The following CHM variants were observed in gnomAD, a reference collection of about 807,000 sequenced individuals.
CHM encodes CHM Rab escort protein.
A neutral mutation model predicts 49.0 loss-of-function variants in CHM; 10 were observed. The ratio of observed to expected loss-of-function variants is 0.20; its 90% CI spans 0.13 to 0.35. The LOEUF is 0.35. Ranked by LOEUF, CHM falls within the 10% of genes least tolerant of loss-of-function variation. CHM has a pLI of 1.00. For synonymous variants in CHM, 184 were observed against 167.5 expected (o/e 1.10, Z -0.76); for missense variants, 455 against 478.4 (o/e 0.95, Z 0.46).
At chrX:85,921,180 CT>C in intron 8 of CHM, among the ~76,000 whole-genome samples, 1 of 112,036 alleles carries the variant, frequency 8.9e-6, no homozygotes, top group Non-Finnish European at 1.9e-5. Flanking sequence ...AAGGTAAATA[CT>C]TTACCATGAT....
intron 1 of CHM, among the ~76,000 whole-genome samples, chrX:86,033,467 A>G (rs1934118249): frequency 8.9e-6 from 1 of 112,568 alleles, no homozygotes; most frequent in South Asian, 3.6e-4. Context: ...TAGAACTAGA[A>G]AATTTACTGT....
At chrX:86,041,753 T>C (rs868675326) in intron 1 of CHM, among the ~76,000 whole-genome samples, 4 of 91,534 alleles carry the variant, frequency 4.4e-5, no homozygotes, top group African/African-American at 4.3e-5. Context: ...TATATATATA[T>C]ATATACATAT....
intron 4 of CHM, among the ~76,000 whole-genome samples, chrX:85,978,293 C>T (rs933145688): frequency 9.0e-6 from 1 of 111,667 alleles, no homozygotes; most frequent in Non-Finnish European, 1.9e-5. Context: ...CATTTTGCTA[C>T]ACTGAGTATT....
intron 12 of CHM, among the ~76,000 whole-genome samples, chrX:85,888,135 C>T (rs1925211860): frequency 1.9e-5 from 2 of 105,389 alleles, no homozygotes; most frequent in African/African-American, 6.9e-5. Flanking sequence ...CAGCCCCTCC[C>T]ATCACATGCC....
chrX:85,926,713 T>C (rs1342184661), intron 8 of CHM, among the ~76,000 whole-genome samples: 1 of 111,887 alleles, frequency 8.9e-6, no homozygotes, highest in African/African-American at 3.2e-5. Context: ...GATAGAGGGT[T>C]AGGGGGCTAA....
rs1029228049 is a variant in CHM at position 85,861,465 on chromosome X, G to A, written c.*3165C>T. On this transcript the variant is annotated 3_prime_UTR_variant, in exon 15 of 15. Coordinates refer to ENST00000357749, the MANE Select transcript of CHM (RefSeq NM_000390.4). Reference sequence around the variant, plus strand: ...TGACAATCCAGGTAACTATGGCAGTGACAGAAGTCAATCATTAATACTGCC... The same window carrying A: ...TGACAATCCAGGTAACTATGGCAGTAACAGAAGTCAATCATTAATACTGCC... 1.8e-5 allele frequency: 2 copies of A among 111,415 alleles called. No homozygotes were observed. The highest frequency in any genetic ancestry group is 6.5e-5 in the African/African-American group (2 of 30,707). The allele number at this position is 111,415 out of a possible 1,213,427, so 9.2% of individuals were successfully genotyped here.
chrX:85,991,343 T>C (rs1932177441), intron 2 of CHM, among the ~76,000 whole-genome samples: 1 of 111,524 alleles, frequency 9.0e-6, no homozygotes, highest in Non-Finnish European at 1.9e-5. Context: ...AGAACTGCAA[T>C]TGAAACTCAG....
At chrX:85,999,791 C>T (rs1389924914) in intron 2 of CHM, among the ~76,000 whole-genome samples, 1 of 111,840 alleles carries the variant, frequency 8.9e-6, no homozygotes, top group East Asian at 2.8e-4. Flanking sequence ...AAAAATAGAG[C>T]TCCCTCAATT....
chrX:85,968,715 T>G (rs752876076), intron 4 of CHM, among the ~76,000 whole-genome samples: 40 of 112,216 alleles, frequency 3.6e-4, no homozygotes, highest in Non-Finnish European at 6.6e-4. Flanking sequence ...TTTTCTTATG[T>G]GAGAACCTCT....
Position 85,907,370 on chromosome X carries a change from T to C in CHM, c.1244+3891A>G, listed in dbSNP as rs1285108202. 2.7e-5 allele frequency among the ~76,000 whole-genome samples: 3 copies of C among 111,610 alleles called. No homozygotes were observed. In the East Asian group the frequency reaches 8.5e-4, roughly 32 times the overall value. On this transcript the variant is annotated intron_variant, in intron 9 of 14. Coordinates refer to ENST00000357749, the MANE Select transcript of CHM (RefSeq NM_000390.4). ...TCTACCCTACCAATATATCAAATAC[T>C]ATACTACTAAATGGCCAGATCTAAT...
intron 2 of CHM, among the ~76,000 whole-genome samples, chrX:86,026,587 T>C (rs776475450): frequency 1.3e-4 from 15 of 111,908 alleles, no homozygotes; most frequent in Non-Finnish European, 2.1e-4. Context: ...AGAAATTTCA[T>C]CCAGTTGCTC....
intron 2 of CHM, among the ~76,000 whole-genome samples, chrX:85,984,396 A>G (rs1931798181): frequency 9.0e-6 from 1 of 110,998 alleles, no homozygotes. Context: ...ATATTATAAT[A>G]GCATTACAAA....
At chrX:85,977,383 T>A (rs999774891) in intron 4 of CHM, among the ~76,000 whole-genome samples, 5 of 112,573 alleles carry the variant, frequency 4.4e-5, no homozygotes, top group Non-Finnish European at 9.4e-5. Context: ...AACCATTTAG[T>A]TTCTCACTTT....
chrX:85,954,837 A>G (rs746490617), intron 8 of CHM, among the ~76,000 whole-genome samples: 1 of 106,372 alleles, frequency 9.4e-6, no homozygotes, highest in South Asian at 4.2e-4. Context: ...GGTTGCAGTG[A>G]GCCGAGATCA....
intron 8 of CHM, among the ~76,000 whole-genome samples, chrX:85,936,499 T>C (rs1928789431): frequency 9.0e-6 from 1 of 111,670 alleles, no homozygotes; most frequent in Admixed American, 9.5e-5. Flanking sequence ...CATGTTCAAG[T>C]CCACCTAAAT....
chrX:85,897,211 C>T (rs1207010820), intron 11 of CHM, among the ~76,000 whole-genome samples: 4 of 93,547 alleles, frequency 4.3e-5, no homozygotes, highest in South Asian at 4.8e-4. Context: ...TATATATATA[C>T]CAGCATATAT....
intron 8 of CHM, among the ~76,000 whole-genome samples, chrX:85,931,853 T>C (rs1040153580): frequency 3.6e-5 from 4 of 112,312 alleles, no homozygotes; most frequent in African/African-American, 1.3e-4. Context: ...ATTTAAGTAT[T>C]CAATTCTTAG....
chrX:85,887,589 G>C (rs943457924), intron 12 of CHM, among the ~76,000 whole-genome samples: 12 of 111,745 alleles, frequency 1.1e-4, no homozygotes, highest in African/African-American at 3.6e-4. Context: ...GGGTAACAGG[G>C]AGGGGTTGGA....
rs775497814 is a variant in CHM, at chrX:85,958,980, G to A, written c.703-3C>T. On this transcript the variant is annotated splice_region_variant and splice_polypyrimidine_tract_variant and intron_variant, in intron 5 of 14. Coordinates refer to ENST00000357749, the MANE Select transcript of CHM (RefSeq NM_000390.4). ...AGTAATCCTCGAGAATACAGCAGCTGTACAAAGAAAATATTTTACAAGATA... is the reference window on the plus strand; with the variant it reads ...AGTAATCCTCGAGAATACAGCAGCTATACAAAGAAAATATTTTACAAGATA... 18 of 1,206,710 alleles carry A rather than the reference G, an allele frequency of 1.5e-5. No individual in the cohort carries two copies. In the Admixed American group the frequency reaches 4.0e-4, roughly 27 times the overall value.
Sources: allele counts gnomAD v4.1 joint callset (sites outside exome capture counted in the v4.1 genomes callset), GRCh38; gene constraint gnomAD v4.1.1; transcripts MANE v1.5; gene names NCBI Gene and HGNC (gene_info 2026-07-23, HGNC 2026-07-21).